The following ANO1 variants were observed in gnomAD, a reference collection of about 807,000 sequenced individuals.
ANO1 encodes anoctamin-1.
In ANO1, 59 loss-of-function variants were observed where a neutral mutation model predicts 124.0. The observed-to-expected ratio is 0.48, with a 90% confidence interval of 0.39 to 0.59. The LOEUF (loss-of-function observed/expected upper bound fraction) is 0.59. ANO1 is among the 20% of genes least tolerant of loss of function. ANO1 has a pLI of 0.00. For missense variants in ANO1, 1,059 were observed against 1,328.0 expected (o/e 0.80, Z 3.15); for synonymous variants, 529 against 532.0 (o/e 0.99, Z 0.08).
intron 10 of ANO1, among the ~76,000 whole-genome samples, chr11:70,128,879 G>A (rs1039329373): frequency 6.6e-6 from 1 of 152,258 alleles, no homozygotes; most frequent in African/African-American, 2.4e-5. Flanking sequence ...GGAGAGCCTA[G>A]GAGAGCGGTA....
At chr11:70,105,885 C>T (rs1298157662) in intron 5 of ANO1, 97 bp downstream of exon 5, 6 of 1,269,926 alleles carry the variant, frequency 4.7e-6, no homozygotes, top group Non-Finnish European at 6.8e-6. Context: ...CCGGTGGAAG[C>T]CGGCTCTAAT....
intron 1 of ANO1, among the ~76,000 whole-genome samples, chr11:69,999,416 C>T (rs375871923): frequency 1.3e-5 from 2 of 152,184 alleles, no homozygotes; most frequent in African/African-American, 4.8e-5. Flanking sequence ...ACAGTGGGGA[C>T]GACATTTCGA....
At chr11:69,971,601 T>C in the ANO1 span, among the ~76,000 whole-genome samples, 1 of 152,198 alleles carries the variant, frequency 6.6e-6, no homozygotes. Flanking sequence ...TTTGTTTTTG[T>C]TTTTTAGATA....
intron 1 of ANO1, among the ~76,000 whole-genome samples, chr11:70,080,865 G>A (rs1459551257): frequency 6.6e-6 from 1 of 152,204 alleles, no homozygotes; most frequent in Non-Finnish European, 1.5e-5. Flanking sequence ...ATGGAGCAGG[G>A]GCCTGTTGGT....
At chr11:69,967,719 C>A in the ANO1 span, among the ~76,000 whole-genome samples, 4 of 152,214 alleles carry the variant, frequency 2.6e-5, no homozygotes, top group Admixed American at 2.6e-4. Flanking sequence ...GTCACCTGCC[C>A]GAGGGCCACA....
At chr11:70,060,725 A>AT (rs1857553544) in intron 1 of ANO1, among the ~76,000 whole-genome samples, 1 of 152,214 alleles carries the variant, frequency 6.6e-6, no homozygotes, top group Non-Finnish European at 1.5e-5. Flanking sequence ...ACACGCAGAC[A>AT]TAAGAGCCAG....
At chr11:70,159,038 A>T (rs540250982) in intron 16 of ANO1, among the ~76,000 whole-genome samples, 1 of 152,116 alleles carries the variant, frequency 6.6e-6, no homozygotes, top group South Asian at 2.1e-4. Context: ...AAGCAGCAGC[A>T]TTGTCGCAGA....
At position 70,157,089 on chromosome 11, in the gene ANO1, G is replaced by A. The variant is rs936715336; in HGVS notation, c.1578+68G>A. 6.7e-5 allele frequency: 96 copies of A among 1,431,740 alleles called. 1 individual carries two copies. In the East Asian group the frequency reaches 1.3e-3, roughly 20 times the overall value. 88.7% of individuals were successfully genotyped at this position (1,431,740 alleles called of 1,614,324 possible). ...CGCAAGGAAGTGATTGGCTTCAGCC[G>A]GGCGTGGTGGTTCACGACTGTAATC... On this transcript the variant is annotated intron_variant, in intron 16 of 25. Coordinates refer to ENST00000355303, the MANE Select transcript of ANO1 (RefSeq NM_018043.7).
intron 1 of ANO1, among the ~76,000 whole-genome samples, chr11:70,084,635 A>G (rs548712593): frequency 6.6e-6 from 1 of 152,314 alleles, no homozygotes; most frequent in African/African-American, 2.4e-5. Context: ...ACGGCCTGCC[A>G]TGAAGCCAGT....
chr11:70,098,355 G>C (rs1280962871), intron 2 of ANO1, among the ~76,000 whole-genome samples: 1 of 152,196 alleles, frequency 6.6e-6, no homozygotes, highest in Non-Finnish European at 1.5e-5. Flanking sequence ...GGCCTGGACT[G>C]CTGTGCACAG....
intron 7 of ANO1, among the ~76,000 whole-genome samples, chr11:70,115,972 T>C (rs950340463): frequency 6.6e-6 from 1 of 152,186 alleles, no homozygotes; most frequent in African/African-American, 2.4e-5. Context: ...TGATTCCATC[T>C]GTAGAATGGG....
chr11:70,070,728 T>C (rs1857850827), intron 1 of ANO1, among the ~76,000 whole-genome samples: 1 of 152,108 alleles, frequency 6.6e-6, no homozygotes, highest in Non-Finnish European at 1.5e-5. Context: ...GGGAATGGGG[T>C]GAGCCAATGG....
intron 1 of ANO1, among the ~76,000 whole-genome samples, chr11:70,011,556 C>T (rs191811770): frequency 2.0e-5 from 3 of 152,298 alleles, no homozygotes; most frequent in African/African-American, 7.2e-5. Context: ...CTCCCACAAC[C>T]CCCCACCTCT....
chr11:70,172,849 G>C (rs545803581), intron 22 of ANO1, among the ~76,000 whole-genome samples: 1 of 151,668 alleles, frequency 6.6e-6, no homozygotes, highest in Non-Finnish European at 1.5e-5. Flanking sequence ...CTGGGTGACA[G>C]AGTGAGACTC....
At chr11:70,015,616 G>C (rs1292524493) in intron 1 of ANO1, 1 of 152,492 alleles carries the variant, frequency 6.6e-6, no homozygotes, top group South Asian at 2.1e-4. Flanking sequence ...CTTCCACGTG[G>C]CTCACTGGGC....
At chr11:69,983,230 G>A (rs1855973872), upstream of ANO1, among the ~76,000 whole-genome samples, 1 of 152,040 alleles carries the variant, frequency 6.6e-6, no homozygotes, top group South Asian at 2.1e-4. Context: ...CTACCCCCAA[G>A]CCAGGCCCAA....
chr11:70,106,503 C>A (rs899200670), intron 5 of ANO1, among the ~76,000 whole-genome samples: 2 of 152,196 alleles, frequency 1.3e-5, no homozygotes, highest in Admixed American at 1.3e-4. Context: ...CTCCTCATGA[C>A]CACCACCTGA....
chr11:69,975,672 T>C, the ANO1 span, among the ~76,000 whole-genome samples: 1 of 152,180 alleles, frequency 6.6e-6, no homozygotes. Context: ...CTGGCAGCTG[T>C]GGGACTCTGG....
intron 1 of ANO1, among the ~76,000 whole-genome samples, chr11:70,057,200 G>A (rs905387782): frequency 1.2e-4 from 19 of 152,110 alleles, no homozygotes; most frequent in Non-Finnish European, 2.5e-4. Flanking sequence ...TTGAATCTTG[G>A]ATATCACGTG....
Sources: allele counts gnomAD v4.1 joint callset (sites outside exome capture counted in the v4.1 genomes callset), GRCh38; gene constraint gnomAD v4.1.1; transcripts MANE v1.5; gene names NCBI Gene and HGNC (gene_info 2026-07-23, HGNC 2026-07-21).